The following PRUNE2 variants were observed in gnomAD, a reference collection of about 807,000 sequenced individuals.
PRUNE2 encodes prune homolog 2 with BCH domain, also known as protein prune homolog 2.
PRUNE2 carries 164 observed loss-of-function variants against 252.0 expected under a neutral mutation model. That is an observed-to-expected ratio of 0.65 (90% CI 0.57 to 0.74). The LOEUF is 0.74. Ranked by LOEUF, PRUNE2 falls within the 30% of genes least tolerant of loss-of-function variation. The pLI is 0.00. For missense variants in PRUNE2, 3,495 were observed against 3,711.0 expected (o/e 0.94, Z 1.51); for synonymous variants, 1,292 against 1,350.2 (o/e 0.96, Z 0.94).
intron 6 of PRUNE2, among the ~76,000 whole-genome samples, chr9:76,790,936 G>A (rs2055487217): frequency 6.6e-6 from 1 of 152,176 alleles, no homozygotes; most frequent in Admixed American, 6.5e-5. Context: ...GTCAAGAAAA[G>A]CACATTTTAC....
chr9:76,712,281 G>A (rs1461135199), intron 7 of PRUNE2, among the ~76,000 whole-genome samples: 1 of 152,182 alleles, frequency 6.6e-6, no homozygotes, highest in African/African-American at 2.4e-5. Flanking sequence ...ATGAAGAAAT[G>A]AAGATACAGG....
intron 1 of PRUNE2, among the ~76,000 whole-genome samples, chr9:76,854,668 G>A (rs2060143435): frequency 6.6e-6 from 1 of 152,094 alleles, no homozygotes; most frequent in African/African-American, 2.4e-5. Context: ...GTCACATTTT[G>A]GGTAACAAGA....
At chr9:76,848,001 C>T (rs111770053) in intron 3 of PRUNE2, among the ~76,000 whole-genome samples, 9,538 of 152,230 alleles carry the variant, frequency 0.063, 355 homozygotes, top group East Asian at 0.15. Flanking sequence ...TGGTGGCTCA[C>T]GCCTGTAATC....
chr9:76,708,754 G>A lies in PRUNE2; in HGVS notation c.3520C>T (p.Pro1174Ser). Reference sequence around the variant, plus strand: ...GCTTCCTGATACTCCAAGCCCCAGGGTTCCAGCTGTCTCACTGTAAATCGG... The same window carrying A: ...GCTTCCTGATACTCCAAGCCCCAGGATTCCAGCTGTCTCACTGTAAATCGG... ...ETRFTVRQLE[P>S]WGLEYQEANQ... Residue 1174 changes from proline (P) to serine (S), a missense_variant, in exon 8 of 19, where the codon CCC becomes TCC. Coordinates refer to ENST00000376718, the MANE Select transcript of PRUNE2 (RefSeq NM_015225.3). 6.2e-7 allele frequency: 1 copy of A among 1,613,958 alleles called. No homozygotes were observed. The highest frequency in any genetic ancestry group is 8.5e-7 in the Non-Finnish European group (1 of 1,179,900).
At chr9:76,858,841 T>C (rs1206709392) in intron 1 of PRUNE2, among the ~76,000 whole-genome samples, 6 of 151,526 alleles carry the variant, frequency 4.0e-5, no homozygotes, top group Non-Finnish European at 8.8e-5. Context: ...CTAAAGGGTG[T>C]CTCAGGCTAA....
At chr9:76,624,377 A>G in intron 17 of PRUNE2, 75 bp downstream of exon 17, 2 of 971,872 alleles carry the variant, frequency 2.1e-6, no homozygotes, top group South Asian at 3.1e-5. Context: ...AACACCAGGC[A>G]TGCAGATTTT....
At chr9:76,901,077 C>A (rs1325368540) in intron 1 of PRUNE2, among the ~76,000 whole-genome samples, 1 of 152,166 alleles carries the variant, frequency 6.6e-6, no homozygotes, top group African/African-American at 2.4e-5. Context: ...TCACAGGGAG[C>A]ACCTCTCTTC....
chr9:76,775,308 T>C (rs933825748), intron 6 of PRUNE2, among the ~76,000 whole-genome samples: 1 of 152,140 alleles, frequency 6.6e-6, no homozygotes, highest in Non-Finnish European at 1.5e-5. Flanking sequence ...CTTTGTCTTT[T>C]TTTTTTGAGA....
intron 6 of PRUNE2, among the ~76,000 whole-genome samples, chr9:76,731,393 G>C (rs1356434060): frequency 1.3e-5 from 2 of 149,774 alleles, no homozygotes; most frequent in Non-Finnish European, 3.0e-5. Flanking sequence ...TAAGATGTCA[G>C]CTCACTGCAG....
intron 1 of PRUNE2, among the ~76,000 whole-genome samples, chr9:76,863,674 C>A (rs550719379): frequency 1.3e-5 from 2 of 152,138 alleles, no homozygotes; most frequent in African/African-American, 4.8e-5. Context: ...AATATTTTCC[C>A]CAATCTACCT....
intron 1 of PRUNE2, among the ~76,000 whole-genome samples, chr9:76,860,532 C>T (rs1018183349): frequency 2.0e-5 from 3 of 152,274 alleles, no homozygotes; most frequent in Non-Finnish European, 2.9e-5. Flanking sequence ...ATTTCTGCAA[C>T]GGTGGTTTCA....
chr9:76,626,091 T>A (rs1225769727), intron 16 of PRUNE2, among the ~76,000 whole-genome samples: 1 of 152,218 alleles, frequency 6.6e-6, no homozygotes, highest in African/African-American at 2.4e-5. Context: ...AAAGGTTATA[T>A]ATTGATTGAT....
intron 1 of PRUNE2, among the ~76,000 whole-genome samples, chr9:76,898,107 T>C (rs1244051922): frequency 6.6e-6 from 1 of 152,168 alleles, no homozygotes; most frequent in East Asian, 1.9e-4. Context: ...CAAGTAAAAG[T>C]GGCGGGGTTA....
chr9:76,771,532 C>T (rs111662978), intron 6 of PRUNE2, among the ~76,000 whole-genome samples: 97 of 152,180 alleles, frequency 6.4e-4, no homozygotes, highest in African/African-American at 2.3e-3. Flanking sequence ...TACGGTGAGT[C>T]GGGGGTCAGG....
chr9:76,745,494 C>T (rs1318732111), intron 6 of PRUNE2, among the ~76,000 whole-genome samples: 1 of 152,084 alleles, frequency 6.6e-6, no homozygotes, highest in African/African-American at 2.4e-5. Flanking sequence ...TCCACCTGGA[C>T]CTGCCAACCA....
At chr9:76,637,372 A>T (rs1456621333) in intron 14 of PRUNE2, 46 bp downstream of exon 14, 1 of 1,598,572 alleles carries the variant, frequency 6.3e-7, no homozygotes, top group African/African-American at 1.3e-5. Context: ...TTTAGTCTTC[A>T]GTTTACCAAA....
At position 76,709,764 on chromosome 9, in the gene PRUNE2, G is replaced by A. The variant is rs763291160; in HGVS notation, c.2510C>T (p.Ala837Val). Residue 837 changes from alanine to valine, a missense_variant, in exon 8 of 19, where the codon GCA (alanine) becomes GTA (valine). Transcript: ENST00000376718. The stretch of plus-strand genomic sequence containing the variant: ...AGAAGAAAAGGCAAACCCACTTTTT[G>A]CCATGGCCCACTCATTCGGGTCCCT... ...SVRDPNEWAMAKSGFAFSSSE... is the reference protein window; with the variant it reads ...SVRDPNEWAMVKSGFAFSSSE... 6.2e-7 allele frequency: 1 copy of A among 1,613,754 alleles called. No homozygotes were observed. Among genetic ancestry groups the A allele is most frequent in the Non-Finnish European group, 8.5e-7 (1 of 1,179,820 alleles).
At chr9:76,664,066 T>C (rs1158098806) in intron 9 of PRUNE2, among the ~76,000 whole-genome samples, 1 of 152,254 alleles carries the variant, frequency 6.6e-6, no homozygotes, top group East Asian at 1.9e-4. Context: ...TCTTTGACAC[T>C]CTTTTCAAAA....
rs2046545531 is a variant in PRUNE2 at position 76,709,355 on chromosome 9, G to A, written c.2919C>T (p.Tyr973=). 1 of 1,613,862 alleles carries A rather than the reference G, an allele frequency of 6.2e-7. No individual in the cohort carries two copies. Among genetic ancestry groups the A allele is most frequent in the African/African-American group, 1.3e-5 (1 of 74,918 alleles). The change falls in exon 8 of 19, where the codon TAC becomes TAT. Residue 973 remains tyrosine, a synonymous_variant. Transcript: ENST00000376718. Reference sequence around the variant, plus strand: ...CGTCTCCAGCAAATGTTGGTGATGTGTAAGAGTCTGAGGTGGAATAATTGG... The same window carrying A: ...CGTCTCCAGCAAATGTTGGTGATGTATAAGAGTCTGAGGTGGAATAATTGG... ...LDTNYSTSDS[Y]TSPTFAGDEK...
Sources: allele counts gnomAD v4.1 joint callset (sites outside exome capture counted in the v4.1 genomes callset), GRCh38; gene constraint gnomAD v4.1.1; transcripts MANE v1.5; gene names NCBI Gene and HGNC (gene_info 2026-07-23, HGNC 2026-07-21).